Variants in LCLAT1 observed in about 807,000 individuals in gnomAD.
LCLAT1 encodes 1-AGP acyltransferase 8.
In LCLAT1, 11 loss-of-function variants were observed where a neutral mutation model predicts 30.7. The observed-to-expected ratio is 0.36, with a 90% CI of 0.23 to 0.59. LCLAT1 has a LOEUF of 0.59. LCLAT1 is among the 20% of genes least tolerant of loss of function. LCLAT1 has a pLI of 0.77. For missense variants in LCLAT1, 402 were observed against 458.6 expected (o/e 0.88, Z 1.13); for synonymous variants, 155 against 151.3 (o/e 1.02, Z -0.18).
chr2:30,539,363 C>T (rs1278786168), intron 3 of LCLAT1, among the ~76,000 whole-genome samples: 1 of 150,696 alleles, frequency 6.6e-6, no homozygotes, highest in East Asian at 2.0e-4. Context: ...GGTCCTTCCA[C>T]CTCACCCTCC....
intron 1 of LCLAT1, among the ~76,000 whole-genome samples, chr2:30,471,625 C>G (rs1294808022): frequency 6.6e-6 from 1 of 152,104 alleles, no homozygotes; most frequent in East Asian, 1.9e-4. Context: ...TAAATTTATT[C>G]CTAGGTTTAT....
rs1685912339 is a variant in LCLAT1, at chr2:30,530,060, T to G, written c.166-3056T>G. 3.9e-5 allele frequency among the ~76,000 whole-genome samples: 6 copies of G among 152,226 alleles called. No individual in the cohort carries two copies. The South Asian group carries it at 1.2e-3, about 31-fold the overall frequency. Reference sequence around the variant, plus strand: ...CACTTGGACATAGTAAGTAGTGGTATATAAAAGATCCTTGGAAAATGCTTC... The same window carrying G: ...CACTTGGACATAGTAAGTAGTGGTAGATAAAAGATCCTTGGAAAATGCTTC... On this transcript the variant is annotated intron_variant, in intron 2 of 5. Coordinates refer to ENST00000379509, the MANE Select transcript of LCLAT1 (RefSeq NM_001002257.3).
chr2:30,559,576 T>C (rs1000687953), intron 3 of LCLAT1, among the ~76,000 whole-genome samples: 2 of 152,232 alleles, frequency 1.3e-5, no homozygotes, highest in African/African-American at 2.4e-5. Context: ...TGCAAAGTTA[T>C]CTTGAATATT....
intron 5 of LCLAT1, among the ~76,000 whole-genome samples, chr2:30,617,744 T>G (rs1329292857): frequency 1.3e-5 from 2 of 152,170 alleles, no homozygotes; most frequent in Non-Finnish European, 2.9e-5. Context: ...GTAACTAAAG[T>G]GTTAATTTAA....
chr2:30,606,055 G>A (rs1326453348), intron 5 of LCLAT1: 1 of 1,295,024 alleles, frequency 7.7e-7, no homozygotes, highest in African/African-American at 1.5e-5. Flanking sequence ...CCACTTCAAG[G>A]AGAACTACAA....
chr2:30,514,789 T>A (rs1685105173), intron 1 of LCLAT1, among the ~76,000 whole-genome samples: 1 of 152,226 alleles, frequency 6.6e-6, no homozygotes, highest in South Asian at 2.1e-4. Flanking sequence ...TCCCATGCAC[T>A]CTCTGTTTGG....
chr2:30,592,884 T>A (rs190884246), intron 5 of LCLAT1, among the ~76,000 whole-genome samples: 48 of 152,350 alleles, frequency 3.2e-4, no homozygotes, highest in Non-Finnish European at 6.0e-4. Context: ...CTCAGAATAA[T>A]TGGACTGTCA....
chr2:30,522,676 G>A (rs533768983), intron 1 of LCLAT1, among the ~76,000 whole-genome samples: 15 of 152,180 alleles, frequency 9.9e-5, no homozygotes, highest in Non-Finnish European at 2.2e-4. Flanking sequence ...GATTGAAAGG[G>A]AAGGAATAGA....
At chr2:30,541,671 C>T (rs1664144932) in intron 3 of LCLAT1, among the ~76,000 whole-genome samples, 1 of 152,160 alleles carries the variant, frequency 6.6e-6, no homozygotes, top group Admixed American at 6.5e-5. Context: ...GTATTACTTA[C>T]ATTCAATAAA....
intron 5 of LCLAT1, among the ~76,000 whole-genome samples, chr2:30,571,262 G>A (rs1157535129): frequency 6.6e-6 from 1 of 152,122 alleles, no homozygotes; most frequent in Non-Finnish European, 1.5e-5. Context: ...ATTTGGATCA[G>A]CACACCTGAA....
At chr2:30,555,125 G>C (rs1230005476) in intron 3 of LCLAT1, among the ~76,000 whole-genome samples, 2 of 152,068 alleles carry the variant, frequency 1.3e-5, no homozygotes, top group South Asian at 4.1e-4. Flanking sequence ...TAAATTATCC[G>C]ATTAGGAAAA....
At chr2:30,610,457 G>T (rs1667683264) in intron 5 of LCLAT1, among the ~76,000 whole-genome samples, 1 of 152,058 alleles carries the variant, frequency 6.6e-6, no homozygotes, top group Non-Finnish European at 1.5e-5. Flanking sequence ...AATTTAACAT[G>T]ATTTATCCAC....
At chr2:30,470,161 G>T (rs1682703415) in intron 1 of LCLAT1, among the ~76,000 whole-genome samples, 2 of 152,124 alleles carry the variant, frequency 1.3e-5, no homozygotes, top group Admixed American at 1.3e-4. Flanking sequence ...AGTAACCCAG[G>T]TGGCATCAGT....
chr2:30,579,616 G>T (rs1666129913), intron 5 of LCLAT1, among the ~76,000 whole-genome samples: 1 of 152,102 alleles, frequency 6.6e-6, no homozygotes, highest in African/African-American at 2.4e-5. Context: ...GGAATGGCAG[G>T]ATTTGAATTG....
At chr2:30,484,851 T>A (rs1457226658) in intron 1 of LCLAT1, among the ~76,000 whole-genome samples, 1 of 152,228 alleles carries the variant, frequency 6.6e-6, no homozygotes, top group Non-Finnish European at 1.5e-5. Flanking sequence ...AAATTGAATT[T>A]CAGTGACCTA....
At chr2:30,522,916 C>T (rs13026847) in intron 1 of LCLAT1, among the ~76,000 whole-genome samples, 2,306 of 152,266 alleles carry the variant, frequency 0.015, 29 homozygotes, top group Non-Finnish European at 0.023. Context: ...TCTTAACTCT[C>T]CTGAGCCTCA....
intron 1 of LCLAT1, among the ~76,000 whole-genome samples, chr2:30,521,036 G>C (rs1249281556): frequency 1.3e-5 from 2 of 152,116 alleles, no homozygotes; most frequent in Non-Finnish European, 2.9e-5. Flanking sequence ...GGGTCATAAA[G>C]ACCTTGCTGA....
intron 1 of LCLAT1, among the ~76,000 whole-genome samples, chr2:30,516,720 G>A (rs949154007): frequency 1.3e-5 from 2 of 152,156 alleles, no homozygotes; most frequent in African/African-American, 4.8e-5. Flanking sequence ...CTGGTGGCCT[G>A]TACAGGGATT....
chr2:30,541,924 G>T (rs543032535), intron 3 of LCLAT1, among the ~76,000 whole-genome samples: 1 of 152,262 alleles, frequency 6.6e-6, no homozygotes, highest in African/African-American at 2.4e-5. Flanking sequence ...TTGTGGCTTT[G>T]TTGTGGCAAC....
Sources: allele counts gnomAD v4.1 joint callset (sites outside exome capture counted in the v4.1 genomes callset), GRCh38; gene constraint gnomAD v4.1.1; transcripts MANE v1.5; gene names NCBI Gene and HGNC (gene_info 2026-07-23, HGNC 2026-07-21).